Variants in CCDC40 observed in about 807,000 individuals in gnomAD.
The protein encoded by CCDC40 is coiled-coil domain-containing protein 40.
In CCDC40, 104 loss-of-function variants were observed where a neutral mutation model predicts 124.5. The ratio of observed to expected loss-of-function variants is 0.84; its 90% CI spans 0.71 to 0.98. CCDC40 has a LOEUF of 0.98. CCDC40 is among the 50% of genes least tolerant of loss of function. The probability of loss-of-function intolerance (pLI) is 0.00; values close to 1 mark genes in which losing one functional copy is unlikely to be tolerated. For synonymous variants in CCDC40, 580 were observed against 602.9 expected (o/e 0.96, Z 0.56); for missense variants, 1,463 against 1,503.9 (o/e 0.97, Z 0.45).
chr17:80,080,669 C>A (rs577924613), intron 10 of CCDC40, among the ~76,000 whole-genome samples: 1 of 152,294 alleles, frequency 6.6e-6, no homozygotes, highest in Admixed American at 6.5e-5. Context: ...AGATGAGAAC[C>A]CCTAGCCCAA....
chr17:80,087,896 G>A lies in CCDC40; in HGVS notation c.2620-115G>A, dbSNP rs1317683667. On this transcript the variant is annotated intron_variant, in intron 15 of 19. Coordinates refer to ENST00000397545, the MANE Select transcript of CCDC40 (RefSeq NM_017950.4). This position sits in a 1 kb window ranked among gnomAD's most constrained non-coding sequence, Gnocchi z 4.5. Reference sequence around the variant, plus strand: ...ACACCCGTTCAAGATGCTTGTAGGGGTATTAGAAATCCAGCCTGCAGCCCT... The same window carrying A: ...ACACCCGTTCAAGATGCTTGTAGGGATATTAGAAATCCAGCCTGCAGCCCT... 2 of 1,286,254 alleles carry A rather than the reference G, an allele frequency of 1.6e-6. No homozygotes were observed. The highest frequency in any genetic ancestry group is 2.3e-5 in the East Asian group (1 of 43,290). The allele number at this position is 1,286,254 out of a possible 1,614,324, so 79.7% of individuals were successfully genotyped here.
In CCDC40 at chr17:80,047,356, C is replaced by CT; in HGVS notation, c.630_631insT (p.Asp211Ter). 2 of 1,613,648 alleles carry CT rather than the reference C, an allele frequency of 1.2e-6. No homozygotes were observed. Among genetic ancestry groups the CT allele is most frequent in the Non-Finnish European group, 1.7e-6 (2 of 1,179,836 alleles). ...ACCGCTTCCGGCTGAGCCACGGGAGCGACATCGAGTCCTCAGACCTGGAGG... is the reference window on the plus strand; with the variant it reads ...ACCGCTTCCGGCTGAGCCACGGGAGCTGACATCGAGTCCTCAGACCTGGAGG... On this transcript the variant is annotated frameshift_variant, in exon 4 of 20. Transcript: ENST00000397545. LOFTEE classifies it high-confidence loss of function.
chr17:80,086,355 C>G lies in CCDC40; in HGVS notation c.2449+139C>G. 1 of 706,300 alleles carries G rather than the reference C, an allele frequency of 1.4e-6. No individual in the cohort carries two copies. The highest frequency in any genetic ancestry group is 1.8e-5 in the African/African-American group (1 of 56,640). 43.8% of individuals were successfully genotyped at this position (706,300 alleles called of 1,614,324 possible). On this transcript the variant is annotated intron_variant, in intron 14 of 19. Transcript: ENST00000397545. This position sits in a 1 kb window ranked among gnomAD's most constrained non-coding sequence, Gnocchi z 5.5. ...TAAAAGCAAATAACAAACGCGCATG[C>G]TCCCTGTATTTTGTAAATGTGAACC... is the stretch of plus-strand genomic sequence containing the variant.
rs769992790 is a variant in CCDC40 at position 80,097,259 on chromosome 17, C to T, written c.3036C>T (p.Cys1012=). The change falls in exon 19 of 20, where the codon TGC becomes TGT. Residue 1012 remains cysteine, a synonymous_variant. Transcript: ENST00000397545. ...GATTCTCCTAGGCCACCGATGAGTG[C>T]ACCAAAACCGTCCTGGAACTGGAAG... ...IRDVRKATDE[C]TKTVLELEET... The T allele has an allele frequency of 1.2e-6, 2 of 1,613,966 alleles. No individual in the cohort carries two copies. The highest frequency in any genetic ancestry group is 1.1e-5 in the South Asian group (1 of 91,082).
At chr17:80,046,930 C>G (rs1171195716) in intron 3 of CCDC40, among the ~76,000 whole-genome samples, 1 of 152,198 alleles carries the variant, frequency 6.6e-6, no homozygotes, top group Non-Finnish European at 1.5e-5. Context: ...ACTGCAACCT[C>G]TGCCTCCCGG....
Position 80,086,416 on chromosome 17 carries a change from G to T in CCDC40, c.2449+200G>T. ...CAGCTGCCCAGTTCGCAGTCACAGC[G>T]GGAGGGTTGAGAAATGTCACGAAAT... On this transcript the variant is annotated intron_variant, in intron 14 of 19. Transcript: ENST00000397545. The surrounding 1 kb of genome is among the most constrained non-coding windows in gnomAD (Gnocchi z 5.5). 1 of 585,208 alleles carries T rather than the reference G, an allele frequency of 1.7e-6. No homozygotes were observed. The highest frequency in any genetic ancestry group is 3.1e-6 in the Non-Finnish European group (1 of 325,930). 36.3% of individuals were successfully genotyped at this position (585,208 alleles called of 1,614,324 possible).
intron 10 of CCDC40, chr17:80,067,957 G>C: frequency 1.8e-6 from 2 of 1,131,152 alleles, no homozygotes; most frequent in Non-Finnish European, 2.2e-6. Context: ...TTCACAACGA[G>C]TGAGAGAGCC....
chr17:80,055,199 G>T (rs115911040), intron 7 of CCDC40, among the ~76,000 whole-genome samples: 1,859 of 152,226 alleles, frequency 0.012, 40 homozygotes, highest in African/African-American at 0.042. Flanking sequence ...TAGCATAGCA[G>T]TTACCCCAGA....
intron 9 of CCDC40, among the ~76,000 whole-genome samples, chr17:80,063,297 G>A (rs2037951856): frequency 6.6e-6 from 1 of 152,170 alleles, no homozygotes; most frequent in African/African-American, 2.4e-5. Flanking sequence ...ATCTCTAAGT[G>A]TTAGGGTTAT....
At chr17:80,053,151 G>A (rs1055584665) in intron 7 of CCDC40, among the ~76,000 whole-genome samples, 3 of 152,200 alleles carry the variant, frequency 2.0e-5, no homozygotes, top group African/African-American at 7.2e-5. Flanking sequence ...GAACAGATGC[G>A]TGAGTTCAGG....
intron 10 of CCDC40, among the ~76,000 whole-genome samples, chr17:80,080,832 G>T (rs2038429825): frequency 6.6e-6 from 1 of 152,160 alleles, no homozygotes; most frequent in Non-Finnish European, 1.5e-5. Context: ...GAGGGAGAAG[G>T]AACAAGGCCC....
chr17:80,049,915 G>GT lies in CCDC40; in HGVS notation c.866dup (p.Arg290LysfsTer44). ...TTTTCCATTGTTCTAGCCCCTGATG[G>GT]TAAGATTCCAGGCTGCCCTGAAGAA... On this transcript the variant is annotated frameshift_variant, in exon 6 of 20. Transcript: ENST00000397545. LOFTEE classifies it high-confidence loss of function. 9.9e-6 allele frequency: 16 copies of GT among 1,614,028 alleles called. No individual in the cohort carries two copies. Among genetic ancestry groups the GT allele is most frequent in the Non-Finnish European group, 1.4e-5 (16 of 1,179,948 alleles).
At chr17:80,084,619 G>C in intron 12 of CCDC40, 124 bp from the exon 13 acceptor site, 1 of 1,189,242 alleles carries the variant, frequency 8.4e-7, no homozygotes, top group South Asian at 1.3e-5. Context: ...TCCTGCACTC[G>C]TGACTGTGCG....
chr17:80,041,710 C>T (rs1360557653), intron 3 of CCDC40, among the ~76,000 whole-genome samples: 1 of 152,104 alleles, frequency 6.6e-6, no homozygotes, highest in Non-Finnish European at 1.5e-5. Context: ...AGGTCATAGG[C>T]CAGCTGTCTT....
rs535239440 is a variant in CCDC40 at position 80,048,256 on chromosome 17, T to C, written c.677-327T>C. 60 of 370,866 alleles carry C rather than the reference T, an allele frequency of 1.6e-4. 1 individual carries two copies. Among genetic ancestry groups the C allele is most frequent in the Admixed American group, 1.0e-3 (27 of 26,890 alleles). 23.0% of individuals were successfully genotyped at this position (370,866 alleles called of 1,614,324 possible). A position where few individuals can be genotyped will look rare whatever the true frequency, so the allele number is the denominator to read the frequency against. On this transcript the variant is annotated intron_variant, in intron 4 of 19. Transcript: ENST00000397545. ...GCCTGGGCAACAGAGCAAGACTCTG[T>C]CTGGGGATAAAAAATATTGTATCCA...
At position 80,087,551 on chromosome 17, in the gene CCDC40, G is replaced by A. The variant is rs1160364269; in HGVS notation, c.2450-56G>A. 1.4e-6 allele frequency: 2 copies of A among 1,477,632 alleles called. No homozygotes were observed. Among genetic ancestry groups the A allele is most frequent in the African/African-American group, 2.8e-5 (2 of 72,136 alleles). 91.5% of individuals were successfully genotyped at this position (1,477,632 alleles called of 1,614,324 possible). A position where few individuals can be genotyped will look rare whatever the true frequency, so the allele number is the denominator to read the frequency against. On this transcript the variant is annotated intron_variant, in intron 14 of 19. Transcript: ENST00000397545. The surrounding 1 kb of genome is among the most constrained non-coding windows in gnomAD (Gnocchi z 4.5). The stretch of plus-strand genomic sequence containing the variant: ...CACCTCTCGGACACTGCTGCCTGCG[G>A]GCGAGGACCCGTACCCTCCTGGGGT...
intron 3 of CCDC40, among the ~76,000 whole-genome samples, chr17:80,046,402 G>A (rs548229126): frequency 1.3e-5 from 2 of 152,076 alleles, no homozygotes; most frequent in East Asian, 3.9e-4. Flanking sequence ...GTGTGGTGGT[G>A]TGCACCTGTA....
Position 80,038,028 on chromosome 17 carries a change from A to G in CCDC40, c.30-95A>G. ...GCCTGGGGGTGGCAGAGAAGTAACAAGTAAATAAACAGATGTGCAGAATTC... is the reference window on the plus strand; with the variant it reads ...GCCTGGGGGTGGCAGAGAAGTAACAGGTAAATAAACAGATGTGCAGAATTC... On this transcript the variant is annotated intron_variant, in intron 1 of 19. Transcript: ENST00000397545. 7.4e-6 allele frequency: 6 copies of G among 812,016 alleles called. No homozygotes were observed. The South Asian group carries it at 8.5e-5, about 12-fold the overall frequency. 50.3% of individuals were successfully genotyped at this position (812,016 alleles called of 1,614,324 possible). A position where few individuals can be genotyped will look rare whatever the true frequency, so the allele number is the denominator to read the frequency against.
chr17:80,078,979 G>A (rs1382758710), intron 10 of CCDC40, among the ~76,000 whole-genome samples: 1 of 149,346 alleles, frequency 6.7e-6, no homozygotes, highest in Non-Finnish European at 1.5e-5. Flanking sequence ...TATCACCTGG[G>A]CTGGAGTGCA....
Sources: allele counts gnomAD v4.1 joint callset (sites outside exome capture counted in the v4.1 genomes callset), GRCh38; gene constraint gnomAD v4.1.1; non-coding constraint Gnocchi (gnomAD v3.1); transcripts MANE v1.5; gene names NCBI Gene and HGNC (gene_info 2026-07-23, HGNC 2026-07-21).